Variants in SAFB2 observed in about 807,000 individuals in gnomAD.
The protein encoded by SAFB2 is scaffold attachment factor B2.
In SAFB2, 32 loss-of-function variants were observed where a neutral mutation model predicts 100.6. The observed-to-expected ratio is 0.32, with a 90% confidence interval of 0.24 to 0.43. SAFB2 has a LOEUF of 0.43. SAFB2 is among the 20% of genes least tolerant of loss of function. SAFB2 has a pLI of 1.00. For missense variants in SAFB2, 1,185 were observed against 1,163.4 expected (o/e 1.02, Z -0.27); for synonymous variants, 500 against 439.4 (o/e 1.14, Z -1.72).
chr19:5,610,729 G>T (rs911256215), intron 7 of SAFB2, 41 bp from the exon 8 acceptor site: 15 of 1,349,266 alleles, frequency 1.1e-5, no homozygotes, highest in Non-Finnish European at 1.6e-5. Flanking sequence ...GGAAAAAAAC[G>T]AAAGAGAACA....
intron 9 of SAFB2, among the ~76,000 whole-genome samples, chr19:5,605,217 G>A (rs563644961): frequency 9.9e-5 from 15 of 151,566 alleles, no homozygotes; most frequent in South Asian, 6.3e-4. Context: ...CAATTCTCCC[G>A]CCTCAGCCTC....
intron 17 of SAFB2, chr19:5,591,357 C>A: frequency 6.3e-6 from 1 of 159,422 alleles, no homozygotes; most frequent in Non-Finnish European, 1.3e-5. Context: ...CGACTCACTG[C>A]AACCTCCGCC....
At chr19:5,594,340 A>C in intron 14 of SAFB2, 162 bp from the exon 15 acceptor site, 2 of 407,302 alleles carry the variant, frequency 4.9e-6, no homozygotes, top group Non-Finnish European at 6.6e-6. Flanking sequence ...ACCTTACTTA[A>C]CAAAGCTACC....
Position 5,616,572 on chromosome 19 carries a change from C to G in SAFB2, c.275-86G>C. On this transcript the variant is annotated intron_variant, in intron 2 of 20. Transcript: ENST00000252542. ...TGCAGAATAGATTTCAATCTTAGAA[C>G]AGAACACATTACAAGATAAACTATA... is the stretch of plus-strand genomic sequence containing the variant. 3 of 1,061,652 alleles carry G rather than the reference C, an allele frequency of 2.8e-6. No homozygotes were observed. The South Asian group carries it at 3.7e-5, about 13-fold the overall frequency. The allele number at this position is 1,061,652 out of a possible 1,614,324, so 65.8% of individuals were successfully genotyped here. A position where few individuals can be genotyped will look rare whatever the true frequency, so the allele number is the denominator to read the frequency against.
intron 15 of SAFB2, among the ~76,000 whole-genome samples, chr19:5,593,410 CAATT>C (rs1455425897): frequency 1.3e-5 from 2 of 152,160 alleles, no homozygotes; most frequent in East Asian, 1.9e-4. Flanking sequence ...GGGTGACTGT[CAATT>C]AAGCCGCCTG....
rs965414119 is a variant in SAFB2 at position 5,607,288 on chromosome 19, C to CA, written c.1297-2353dup. 1.1e-3 allele frequency among the ~76,000 whole-genome samples: 158 copies of CA among 150,410 alleles called. 1 individual carries two copies. The highest frequency in any genetic ancestry group is 6.3e-3 in the South Asian group (30 of 4,746). On this transcript the variant is annotated intron_variant, in intron 9 of 20. Transcript: ENST00000252542. ...AAACAAACAAAAACAAAAACAAAAA[C>CA]AAAAAAAAACACAACTGTTCAAAGC...
At position 5,598,822 on chromosome 19, in the gene SAFB2, C is replaced by A; in HGVS notation, c.1753G>T (p.Val585Leu). ...DKSKGEPVISVKTTSRSKERS... is the reference protein window; with the variant it reads ...DKSKGEPVISLKTTSRSKERS... Reference sequence around the variant, plus strand: ...TCTTTGGACCTGCTTGTGGTTTTCACGCTAATGACGGGCTCTCCTTTCGAT... The same window carrying A: ...TCTTTGGACCTGCTTGTGGTTTTCAAGCTAATGACGGGCTCTCCTTTCGAT... Residue 585 changes from valine to leucine, a missense_variant, in exon 13 of 21, where the codon GTG becomes TTG. Val to Leu is a conservative substitution (Grantham distance 32). Around this residue, in one of 3 missense-constraint regions of SAFB2, gnomAD observed 740 missense variants for 687.1 expected, o/e 1.08. Coordinates refer to ENST00000252542, the MANE Select transcript of SAFB2 (RefSeq NM_014649.3). The A allele has an allele frequency of 2.5e-6, 4 of 1,614,166 alleles. No homozygotes were observed. Among genetic ancestry groups the A allele is most frequent in the Non-Finnish European group, 3.4e-6 (4 of 1,180,016 alleles).
rs978783783 is a variant in SAFB2, at chr19:5,593,976, C to G, written c.2122G>C (p.Glu708Gln). The G allele has an allele frequency of 6.4e-7, 1 of 1,553,378 alleles. No homozygotes were observed. Among genetic ancestry groups the G allele is most frequent in the Admixed American group, 1.9e-5 (1 of 53,232 alleles). ...RRKEQERIHREREELRRQQEQ... is the reference protein window; with the variant it reads ...RRKEQERIHRQREELRRQQEQ... ...TGCTGGCGCCGCAGCTCCTCGCGCTCGCGGTGGATGCGCTCCTGCTCCTTC... is the reference window on the plus strand; with the variant it reads ...TGCTGGCGCCGCAGCTCCTCGCGCTGGCGGTGGATGCGCTCCTGCTCCTTC... Residue 708 changes from glutamate to glutamine, a missense_variant, in exon 15 of 21, where the codon GAG (glutamate) becomes CAG (glutamine). By Grantham distance (29) the Glu-to-Gln change is conservative. Around this residue, in one of 3 missense-constraint regions of SAFB2, gnomAD observed 740 missense variants for 687.1 expected, o/e 1.08. Transcript: ENST00000252542.
At chr19:5,617,730 G>A (rs1263751376) in intron 2 of SAFB2, among the ~76,000 whole-genome samples, 2 of 152,172 alleles carry the variant, frequency 1.3e-5, no homozygotes, top group Admixed American at 6.5e-5. Flanking sequence ...CAACCCCAGA[G>A]AATTCTTCGG....
chr19:5,619,955 T>C (rs893323969), intron 2 of SAFB2, among the ~76,000 whole-genome samples: 1 of 152,166 alleles, frequency 6.6e-6, no homozygotes, highest in Non-Finnish European at 1.5e-5. Flanking sequence ...AAAAAACTTT[T>C]AAACTTTATT....
chr19:5,593,760 A>G (rs3213651), intron 15 of SAFB2, 131 bp downstream of exon 15: 73,695 of 1,008,722 alleles, frequency 0.073, 3,531 homozygotes, highest in African/African-American at 0.21. Context: ...GGGGTCCCCA[A>G]GGCGCATGCT....
At chr19:5,600,725 G>A (rs1057300076) in intron 11 of SAFB2, among the ~76,000 whole-genome samples, 5 of 152,154 alleles carry the variant, frequency 3.3e-5, no homozygotes, top group African/African-American at 7.2e-5. Context: ...TGCACAGAGC[G>A]GCAGGCCATT....
intron 11 of SAFB2, among the ~76,000 whole-genome samples, chr19:5,602,056 A>C (rs2052669778): frequency 6.6e-6 from 1 of 152,158 alleles, no homozygotes; most frequent in South Asian, 2.1e-4. Context: ...CCAACCACTA[A>C]TCTAGAAATC....
chr19:5,614,939 G>C (rs2052990315), intron 4 of SAFB2, among the ~76,000 whole-genome samples: 2 of 152,190 alleles, frequency 1.3e-5, no homozygotes, highest in African/African-American at 4.8e-5. Flanking sequence ...GGCTAGGCGT[G>C]GTGACTCACC....
chr19:5,597,941 C>T (rs1245464868), intron 13 of SAFB2, among the ~76,000 whole-genome samples: 2 of 152,036 alleles, frequency 1.3e-5, no homozygotes, highest in East Asian at 3.9e-4. Context: ...ACCAGCCTGG[C>T]CAACGTGGCA....
rs1255516882 is a variant in SAFB2 at position 5,604,639 on chromosome 19, C to T, written c.1503G>A (p.Lys501=). 6.2e-7 allele frequency: 1 copy of T among 1,614,200 alleles called. No homozygotes were observed. Among genetic ancestry groups the T allele is most frequent in the Non-Finnish European group, 8.5e-7 (1 of 1,180,034 alleles). The change falls in exon 11 of 21, where the codon AAG becomes AAA. Residue 501 remains lysine, a synonymous_variant. Transcript: ENST00000252542. ...TGTCGACACTCGATAATTTTTCCTT[C>T]TTCACTTCGCACTCTTTTCTGTCGG... The part of the protein sequence containing the change: ...KLSDRKECEV[K]KEKLSSVDRH...
In SAFB2 at chr19:5,587,570, A is replaced by C; in HGVS notation, c.2705+131T>G. Reference sequence around the variant, plus strand: ...GGTAACTCAAGAGCGTTATTTGCATAAATTGCAAAGAGCTGCTTTTTGCTT... The same window carrying C: ...GGTAACTCAAGAGCGTTATTTGCATCAATTGCAAAGAGCTGCTTTTTGCTT... On this transcript the variant is annotated intron_variant, in intron 20 of 20. Coordinates refer to ENST00000252542, the MANE Select transcript of SAFB2 (RefSeq NM_014649.3). The surrounding 1 kb of genome is among the most constrained non-coding windows in gnomAD (Gnocchi z 4.9). 6.9e-7 allele frequency: 1 copy of C among 1,450,852 alleles called. No homozygotes were observed. Among genetic ancestry groups the C allele is most frequent in the African/African-American group, 1.4e-5 (1 of 69,998 alleles). The allele number at this position is 1,450,852 out of a possible 1,614,324, so 89.9% of individuals were successfully genotyped here. A position where few individuals can be genotyped will look rare whatever the true frequency, so the allele number is the denominator to read the frequency against.
intron 8 of SAFB2, 114 bp downstream of exon 8, chr19:5,610,525 C>A: frequency 1.3e-6 from 1 of 774,504 alleles, no homozygotes; most frequent in Non-Finnish European, 2.1e-6. Context: ...TGGTTGATTC[C>A]GGTAACCCAT....
chr19:5,595,583 AGAT>A, intron 13 of SAFB2, 86 bp from the exon 14 acceptor site: 3 of 1,498,884 alleles, frequency 2.0e-6, no homozygotes, highest in Non-Finnish European at 1.8e-6. Flanking sequence ...CATGAGACTA[AGAT>A]TCTCTGGCCC....
Sources: gnomAD v4.1 joint callset for allele counts (sites outside exome capture counted in the v4.1 genomes callset) on GRCh38, gnomAD v4.1.1 for gene constraint, gnomAD v4.1.1 regional missense constraint, Gnocchi (gnomAD v3.1) non-coding constraint, MANE v1.5 for transcripts, NCBI Gene and HGNC (gene_info 2026-07-23, HGNC 2026-07-21) for gene names.